Variants in RCAN2 observed in about 807,000 individuals in gnomAD.
RCAN2 encodes calcipressin-2.
A neutral mutation model predicts 23.6 loss-of-function variants in RCAN2; 9 were observed. The ratio of observed to expected loss-of-function variants is 0.38; its 90% CI spans 0.23 to 0.67. The LOEUF is 0.67. RCAN2 is among the 30% of genes least tolerant of loss of function. RCAN2 has a pLI of 0.51. For synonymous variants in RCAN2, 109 were observed against 115.7 expected (o/e 0.94, Z 0.37); for missense variants, 273 against 302.3 (o/e 0.90, Z 0.72).
chr6:46,246,932 G>A lies in RCAN2; in HGVS notation c.400-13C>T. Reference sequence around the variant, plus strand: ...CTGGAGTCTGAACCTTTCAAATAGAGTAGAGATGAAGAAACTTATTCATCA... The same window carrying A: ...CTGGAGTCTGAACCTTTCAAATAGAATAGAGATGAAGAAACTTATTCATCA... On this transcript the variant is annotated splice_polypyrimidine_tract_variant and intron_variant, in intron 3 of 4. Transcript: ENST00000371374. 1 of 1,502,410 alleles carries A rather than the reference G, an allele frequency of 6.7e-7. No homozygotes were observed. Among genetic ancestry groups the A allele is most frequent in the Non-Finnish European group, 8.9e-7 (1 of 1,124,146 alleles). The allele number at this position is 1,502,410 out of a possible 1,614,324, so 93.1% of individuals were successfully genotyped here.
intron 2 of RCAN2, among the ~76,000 whole-genome samples, chr6:46,402,991 G>A (rs1366981472): frequency 3.3e-5 from 5 of 150,550 alleles, no homozygotes; most frequent in African/African-American, 1.2e-4. Flanking sequence ...TTGAGACGGA[G>A]TCTCGCTCTG....
At position 46,336,953 on chromosome 6, in the gene RCAN2, C is replaced by CAAAAAA. The variant is rs3084607; in HGVS notation, c.226-88063_226-88058dup. Among the ~76,000 whole-genome samples, 17 of 130,338 alleles carry CAAAAAA rather than the reference C, an allele frequency of 1.3e-4. 1 individual carries two copies. The highest frequency in any genetic ancestry group is 2.0e-4 in the Non-Finnish European group (12 of 61,390). 85.5% of individuals were successfully genotyped at this position (130,338 alleles called of 152,430 possible). Reference sequence around the variant, plus strand: ...GAGGAGAAAAACATATTGGAAGTACCAAAAAAAAAAAAAAGCACAGGGAGA... The same window carrying CAAAAAA: ...GAGGAGAAAAACATATTGGAAGTACCAAAAAAAAAAAAAAAAAAAAGCACAGGGAGA... On this transcript the variant is annotated intron_variant, in intron 2 of 4. Transcript: ENST00000371374.
intron 2 of RCAN2, among the ~76,000 whole-genome samples, chr6:46,375,633 A>G (rs182323974): frequency 6.6e-6 from 1 of 152,176 alleles, no homozygotes; most frequent in Admixed American, 6.5e-5. Context: ...TTATGCTTCT[A>G]TGTCAGGGAT....
At chr6:46,364,673 A>C (rs1191344396) in intron 2 of RCAN2, among the ~76,000 whole-genome samples, 2 of 152,054 alleles carry the variant, frequency 1.3e-5, no homozygotes, top group African/African-American at 4.8e-5. Context: ...CCTCTCATCC[A>C]CCTGGAGGAT....
At chr6:46,315,903 TTTGG>T (rs1763419099) in intron 2 of RCAN2, among the ~76,000 whole-genome samples, 2 of 9,976 alleles carry the variant, frequency 2.0e-4, no homozygotes, top group African/African-American at 4.6e-4. Context: ...TTTGGAAGAG[TTTGG>T]AAGAGACAAG....
At chr6:46,346,195 A>C (rs1764476866) in intron 2 of RCAN2, among the ~76,000 whole-genome samples, 1 of 152,192 alleles carries the variant, frequency 6.6e-6, no homozygotes, top group Admixed American at 6.5e-5. Flanking sequence ...AATTATAATG[A>C]AACAATATAT....
intron 2 of RCAN2, among the ~76,000 whole-genome samples, chr6:46,383,263 T>G (rs1003609368): frequency 6.6e-6 from 1 of 150,440 alleles, no homozygotes; most frequent in African/African-American, 2.4e-5. Context: ...GAGGAGGCAT[T>G]TGAAGTACGC....
At chr6:46,271,365 A>T (rs1767518436) in intron 2 of RCAN2, among the ~76,000 whole-genome samples, 1 of 152,204 alleles carries the variant, frequency 6.6e-6, no homozygotes, top group Admixed American at 6.5e-5. Flanking sequence ...AAGGCCTTCA[A>T]CTGATTGGAT....
chr6:46,311,220 A>G (rs1016223650), intron 2 of RCAN2, among the ~76,000 whole-genome samples: 1 of 152,138 alleles, frequency 6.6e-6, no homozygotes, highest in Admixed American at 6.5e-5. Context: ...TGAAGACTAC[A>G]CCCAGTGCTC....
intron 2 of RCAN2, among the ~76,000 whole-genome samples, chr6:46,340,546 G>A (rs1764283458): frequency 6.6e-6 from 1 of 152,102 alleles, no homozygotes; most frequent in Admixed American, 6.5e-5. Flanking sequence ...GCTGACCTTG[G>A]GAGCGAAGTG....
At chr6:46,289,558 G>A (rs992102877) in intron 2 of RCAN2, among the ~76,000 whole-genome samples, 55 of 152,232 alleles carry the variant, frequency 3.6e-4, no homozygotes, top group African/African-American at 1.2e-3. Flanking sequence ...TGGGTATCAC[G>A]CAGATACTTC....
chr6:46,223,396 C>T (rs1446670481), intron 4 of RCAN2, 95 bp from the exon 5 acceptor site: 2 of 1,167,378 alleles, frequency 1.7e-6, no homozygotes, highest in African/African-American at 1.5e-5. Flanking sequence ...GAGCATTTTC[C>T]AGGGTCTCAG....
chr6:46,345,397 A>G (rs956570854), intron 2 of RCAN2, among the ~76,000 whole-genome samples: 1 of 152,292 alleles, frequency 6.6e-6, no homozygotes. Context: ...AACTTGACCT[A>G]ATTGATAATT....
intron 2 of RCAN2, among the ~76,000 whole-genome samples, chr6:46,357,848 G>T (rs1308643013): frequency 1.3e-5 from 2 of 152,164 alleles, no homozygotes; most frequent in African/African-American, 2.4e-5. Context: ...AGCAGCTAGG[G>T]CAAGGAAACA....
At chr6:46,349,396 T>C (rs1046041360) in intron 2 of RCAN2, among the ~76,000 whole-genome samples, 1 of 151,854 alleles carries the variant, frequency 6.6e-6, no homozygotes, top group Non-Finnish European at 1.5e-5. Flanking sequence ...ACACACACAA[T>C]GGCCTGTTGC....
In RCAN2 at chr6:46,246,780, T is replaced by A; in HGVS notation, c.539A>T (p.Asp180Val). 6.2e-7 allele frequency: 1 copy of A among 1,613,590 alleles called. No individual in the cohort carries two copies. Among genetic ancestry groups the A allele is most frequent in the Non-Finnish European group, 8.5e-7 (1 of 1,179,816 alleles). Residue 180 changes from aspartate to valine, a missense_variant, in exon 4 of 5, where the codon GAC becomes GTC. Asp to Val is a radical substitution (Grantham distance 152). Transcript: ENST00000371374. ...TAGTTTGGCCACAGCATAGAGGAGG[T>A]CATAGTTGAGGACTGGCGTGGCATC... Reference protein sequence around the residue: ...INDATPVLNYDLLYAVAKLGP... With the variant: ...INDATPVLNYVLLYAVAKLGP...
At chr6:46,311,774 A>C (rs1264024164) in intron 2 of RCAN2, among the ~76,000 whole-genome samples, 1 of 152,166 alleles carries the variant, frequency 6.6e-6, no homozygotes, top group Non-Finnish European at 1.5e-5. Flanking sequence ...GCATATGTGA[A>C]TCCTAGAACT....
chr6:46,425,705 T>C (rs1435973140), intron 2 of RCAN2, among the ~76,000 whole-genome samples: 1 of 152,126 alleles, frequency 6.6e-6, no homozygotes, highest in African/African-American at 2.4e-5. Flanking sequence ...ATAATTTATG[T>C]GCCTACTTAC....
intron 1 of RCAN2, among the ~76,000 whole-genome samples, chr6:46,483,986 T>G (rs1768930868): frequency 6.6e-6 from 1 of 152,240 alleles, no homozygotes; most frequent in African/African-American, 2.4e-5. Flanking sequence ...ATATCTGTAA[T>G]CAAATAAATA....
Sources: allele counts gnomAD v4.1 joint callset (sites outside exome capture counted in the v4.1 genomes callset), GRCh38; gene constraint gnomAD v4.1.1; transcripts MANE v1.5; gene names NCBI Gene and HGNC (gene_info 2026-07-23, HGNC 2026-07-21).